TRAT1: variants seen among roughly 807,000 people sequenced by gnomAD.
TRAT1 encodes T-cell receptor-associated transmembrane adapter 1.
In TRAT1, 20 loss-of-function variants were observed where a neutral mutation model predicts 20.0. That is an observed-to-expected ratio of 1.00 (90% CI 0.70 to 1.45). The LOEUF (loss-of-function observed/expected upper bound fraction) is 1.45, where lower values mean the gene tolerates loss of function less well. Among genes scored for constraint, TRAT1 ranks in the 40% most tolerant of loss-of-function variants. TRAT1 has a pLI of 0.00. For synonymous variants in TRAT1, 77 were observed against 74.2 expected (o/e 1.04, Z -0.20); for missense variants, 237 against 224.1 (o/e 1.06, Z -0.37).
intron 1 of TRAT1, among the ~76,000 whole-genome samples, chr3:108,824,883 A>T (rs902951923): frequency 9.2e-5 from 14 of 152,306 alleles, no homozygotes; most frequent in African/African-American, 3.4e-4. Context: ...TGAATATGAC[A>T]TTCCTCTATT....
chr3:108,829,617 A>ACACACACACAC (rs71103494), intron 1 of TRAT1, among the ~76,000 whole-genome samples: 31 of 151,178 alleles, frequency 2.1e-4, no homozygotes, highest in African/African-American at 6.6e-4. Context: ...ACACACACAC[A>ACACACACACAC]ACGTTTTGGT....
chr3:108,833,799 TACACACACACACAC>T (rs3054303), intron 2 of TRAT1, among the ~76,000 whole-genome samples: 1 of 146,636 alleles, frequency 6.8e-6, no homozygotes, highest in Non-Finnish European at 1.5e-5. Context: ...TTGTAAGAAT[TACACACACACACAC>T]ACACACACAC....
intron 5 of TRAT1, among the ~76,000 whole-genome samples, chr3:108,852,401 AC>A (rs1407141214): frequency 1.2e-4 from 18 of 146,126 alleles, no homozygotes; most frequent in Non-Finnish European, 2.4e-4. Flanking sequence ...ACGCATGCAC[AC>A]ACACACACAC....
chr3:108,847,367 T>C (rs73197025), intron 4 of TRAT1: 1 of 384,364 alleles, frequency 2.6e-6, no homozygotes, highest in Non-Finnish European at 4.7e-6. Context: ...CATTTCACTC[T>C]AGTAGTAATG....
At chr3:108,828,828 G>T (rs1241153460) in intron 1 of TRAT1, among the ~76,000 whole-genome samples, 3 of 152,172 alleles carry the variant, frequency 2.0e-5, no homozygotes, top group Non-Finnish European at 4.4e-5. Context: ...ATGCTTTAAT[G>T]GTCGGCGAGA....
chr3:108,829,586 A>AACACACACAC (rs144318236), intron 1 of TRAT1, among the ~76,000 whole-genome samples: 40,838 of 142,330 alleles, frequency 0.29, 6,206 homozygotes, highest in East Asian at 0.61. Flanking sequence ...TCCATCTCAA[A>AACACACACAC]ACACACACAC....
intron 3 of TRAT1, among the ~76,000 whole-genome samples, chr3:108,839,787 C>T (rs574472349): frequency 6.6e-6 from 1 of 152,154 alleles, no homozygotes; most frequent in South Asian, 2.1e-4. Flanking sequence ...ATAGATATCA[C>T]TTATTCTCTT....
chr3:108,828,978 C>T (rs1021474232), intron 1 of TRAT1, among the ~76,000 whole-genome samples: 9 of 152,152 alleles, frequency 5.9e-5, no homozygotes, highest in African/African-American at 1.4e-4. Context: ...TCAAAATAAT[C>T]TTTCTGAAAT....
chr3:108,832,425 A>G (rs1349838510), intron 2 of TRAT1, among the ~76,000 whole-genome samples: 3 of 152,248 alleles, frequency 2.0e-5, no homozygotes, highest in Non-Finnish European at 4.4e-5. Context: ...CATAAACTAT[A>G]TAAGTCAGAT....
chr3:108,851,103 T>C (rs1945994480), intron 5 of TRAT1, among the ~76,000 whole-genome samples: 1 of 152,254 alleles, frequency 6.6e-6, no homozygotes, highest in Non-Finnish European at 1.5e-5. Flanking sequence ...ACAGTGTTTA[T>C]TATCATAAAA....
rs548776747 is a variant in TRAT1, at chr3:108,837,912, G to A, written c.119-1022G>A. On this transcript the variant is annotated intron_variant, in intron 2 of 5. Coordinates refer to ENST00000295756, the MANE Select transcript of TRAT1 (RefSeq NM_016388.4). The stretch of plus-strand genomic sequence containing the variant: ...CATGAATCTATTGCCTTCAATTAAA[G>A]AAAATTCTTAAAACTACATTTGTTA... Among the ~76,000 whole-genome samples, 42 of 152,124 alleles carry A rather than the reference G, an allele frequency of 2.8e-4. 1 individual carries two copies. The highest frequency in any genetic ancestry group is 1.0e-3 in the African/African-American group (42 of 41,500).
intron 5 of TRAT1, among the ~76,000 whole-genome samples, chr3:108,851,937 T>C (rs567853722): frequency 6.6e-6 from 1 of 152,294 alleles, no homozygotes; most frequent in African/African-American, 2.4e-5. Context: ...AGAAAACAGG[T>C]TGAGATTAAA....
intron 3 of TRAT1, among the ~76,000 whole-genome samples, chr3:108,846,188 A>G (rs1945940111): frequency 1.3e-5 from 2 of 152,188 alleles, no homozygotes; most frequent in Non-Finnish European, 2.9e-5. Flanking sequence ...CTGACTGTGT[A>G]TCTGTGGACA....
rs757912527 is a variant in TRAT1 at position 108,849,242 on chromosome 3, C to G, written c.291C>G (p.Thr97=). The change falls in exon 5 of 6, where the codon ACC becomes ACG. Residue 97 remains threonine, a synonymous_variant. Coordinates refer to ENST00000295756, the MANE Select transcript of TRAT1 (RefSeq NM_016388.4). The part of the protein sequence containing the change: ...EKSVNKMQEA[T]PSAQATNETQ... ...CTGTAAATAAGATGCAGGAAGCCACCCCATCTGCACAGGTGAGTTTTGTTT... is the reference window on the plus strand; with the variant it reads ...CTGTAAATAAGATGCAGGAAGCCACGCCATCTGCACAGGTGAGTTTTGTTT... 2.5e-6 allele frequency: 4 copies of G among 1,613,582 alleles called. No homozygotes were observed. The highest frequency in any genetic ancestry group is 3.4e-6 in the Non-Finnish European group (4 of 1,179,752).
chr3:108,849,366 A>G (rs1945975760), intron 5 of TRAT1, 112 bp downstream of exon 5: 8 of 814,140 alleles, frequency 9.8e-6, no homozygotes, highest in Non-Finnish European at 1.6e-5. Context: ...ATCAGATGTC[A>G]AGTTCTGGGA....
At chr3:108,831,640 A>G (rs1945794587) in intron 2 of TRAT1, among the ~76,000 whole-genome samples, 1 of 151,818 alleles carries the variant, frequency 6.6e-6, no homozygotes, top group African/African-American at 2.4e-5. Context: ...TCTGTGCTCA[A>G]ACAATCCTCT....
intron 1 of TRAT1, among the ~76,000 whole-genome samples, chr3:108,825,043 AC>A (rs1410726756): frequency 1.4e-4 from 22 of 152,340 alleles, no homozygotes; most frequent in African/African-American, 3.8e-4. Flanking sequence ...AGATGCAAAG[AC>A]AAAGTATTTA....
chr3:108,830,710 A>T lies in TRAT1; in HGVS notation c.48A>T (p.Ala16=), dbSNP rs1405826463. The stretch of plus-strand genomic sequence containing the variant: ...CCTTTTTCCTCTGGGGACTTCTAGC[A>T]TTGTTGGGCTTGGCTTTGGTTATAT... The part of the protein sequence containing the change: ...GCPFFLWGLL[A]LLGLALVISL... Residue 16 remains alanine, a synonymous_variant, in exon 2 of 6, where the codon GCA becomes GCT. Coordinates refer to ENST00000295756, the MANE Select transcript of TRAT1 (RefSeq NM_016388.4). 2 of 1,613,696 alleles carry T rather than the reference A, an allele frequency of 1.2e-6. No individual in the cohort carries two copies. Among genetic ancestry groups the T allele is most frequent in the Admixed American group, 3.3e-5 (2 of 59,996 alleles).
chr3:108,823,739 T>C (rs1259370661), intron 1 of TRAT1, among the ~76,000 whole-genome samples: 1 of 152,250 alleles, frequency 6.6e-6, no homozygotes, highest in Non-Finnish European at 1.5e-5. Flanking sequence ...TCCAGCTTTT[T>C]TCACTAACAT....
Sources: gnomAD v4.1 joint callset for allele counts (sites outside exome capture counted in the v4.1 genomes callset) on GRCh38, gnomAD v4.1.1 for gene constraint, MANE v1.5 for transcripts, NCBI Gene and HGNC (gene_info 2026-07-23, HGNC 2026-07-21) for gene names.